Variants in PABPC4L observed in about 807,000 individuals in gnomAD.
PABPC4L encodes polyadenylate-binding protein 4-like.
For missense variants in PABPC4L, 452 were observed against 451.4 expected (o/e 1.00, Z -0.01); for synonymous variants, 169 against 164.1 (o/e 1.03, Z -0.23).
At position 134,199,678 on chromosome 4, in the gene PABPC4L, G is replaced by A; in HGVS notation, c.*229C>T. On this transcript the variant is annotated 3_prime_UTR_variant, in exon 2 of 2. Transcript: ENST00000421491. ...ATGAACATATCAAAATAAGAAAAAT[G>A]TGCAATATTAAAATTAGAAAATGTG... The A allele has an allele frequency of 2.0e-6, 1 of 507,120 alleles. No individual in the cohort carries two copies. The highest frequency in any genetic ancestry group is 3.4e-6 in the Non-Finnish European group (1 of 291,732). 31.4% of individuals were successfully genotyped at this position (507,120 alleles called of 1,614,324 possible). A position where few individuals can be genotyped will look rare whatever the true frequency, so the allele number is the denominator to read the frequency against.
At chr4:134,020,848 T>C in the PABPC4L span, among the ~76,000 whole-genome samples, 3 of 152,132 alleles carry the variant, frequency 2.0e-5, no homozygotes, top group Admixed American at 6.6e-5. Context: ...ATAATATAGT[T>C]ATATATAATT....
the PABPC4L span, among the ~76,000 whole-genome samples, chr4:134,067,317 A>ATT: frequency 6.6e-6 from 1 of 152,086 alleles, no homozygotes; most frequent in Non-Finnish European, 1.5e-5. Context: ...GCTTACGTAC[A>ATT]TAGAGATGTT....
the PABPC4L span, among the ~76,000 whole-genome samples, chr4:134,166,690 A>G: frequency 7.2e-5 from 11 of 152,168 alleles, no homozygotes; most frequent in African/African-American, 2.7e-4. Context: ...AAAGTAAAGA[A>G]ACAGATCACA....
At chr4:133,960,959 T>C in the PABPC4L span, among the ~76,000 whole-genome samples, 2 of 152,008 alleles carry the variant, frequency 1.3e-5, no homozygotes, top group East Asian at 3.9e-4. Context: ...TGCCCTGACC[T>C]GATGGTCTTT....
At chr4:134,069,693 G>A in the PABPC4L span, among the ~76,000 whole-genome samples, 2 of 152,110 alleles carry the variant, frequency 1.3e-5, no homozygotes, top group African/African-American at 4.8e-5. Context: ...TTCTTAAAAT[G>A]ACCATTTCAT....
the PABPC4L span, among the ~76,000 whole-genome samples, chr4:134,035,783 A>G: frequency 6.6e-6 from 1 of 152,062 alleles, no homozygotes; most frequent in Non-Finnish European, 1.5e-5. Context: ...GATGGTTGAA[A>G]TGATCAGTGA....
the PABPC4L span, among the ~76,000 whole-genome samples, chr4:134,143,939 G>A: frequency 3.3e-4 from 50 of 151,430 alleles, no homozygotes; most frequent in Non-Finnish European, 6.2e-4. Flanking sequence ...TTTTACTTAT[G>A]ACAACTGAAA....
chr4:134,069,018 T>C, the PABPC4L span, among the ~76,000 whole-genome samples: 11 of 152,078 alleles, frequency 7.2e-5, no homozygotes, highest in Admixed American at 5.9e-4. Context: ...CCATGATAGG[T>C]CTTAGGGTAA....
At chr4:133,954,373 A>G in the PABPC4L span, among the ~76,000 whole-genome samples, 1 of 152,188 alleles carries the variant, frequency 6.6e-6, no homozygotes, top group African/African-American at 2.4e-5. Flanking sequence ...TCTTGTGAGG[A>G]TGGAGTTTTA....
At chr4:134,055,671 AT>A in the PABPC4L span, among the ~76,000 whole-genome samples, 4 of 145,788 alleles carry the variant, frequency 2.7e-5, no homozygotes, top group Admixed American at 6.9e-5. Flanking sequence ...TGGATTGATA[AT>A]TTTTTTTTAA....
chr4:133,960,361 G>A, the PABPC4L span, among the ~76,000 whole-genome samples: 2 of 152,118 alleles, frequency 1.3e-5, no homozygotes. Context: ...CTGGAGCTGA[G>A]ACAATTTAGA....
At chr4:134,040,207 A>G in the PABPC4L span, among the ~76,000 whole-genome samples, 1 of 84,402 alleles carries the variant, frequency 1.2e-5, no homozygotes, top group Non-Finnish European at 2.9e-5. Context: ...CAGAATTGGA[A>G]AAAAAAAAAA....
At chr4:133,973,970 G>T in the PABPC4L span, among the ~76,000 whole-genome samples, 1 of 152,086 alleles carries the variant, frequency 6.6e-6, no homozygotes, top group South Asian at 2.1e-4. Context: ...CATATACCCA[G>T]GATTGTGGAA....
the PABPC4L span, among the ~76,000 whole-genome samples, chr4:134,178,456 C>T: frequency 6.9e-6 from 1 of 145,312 alleles, no homozygotes; most frequent in South Asian, 2.3e-4. Flanking sequence ...AAACCCAGCA[C>T]AACAACTCTG....
At chr4:134,047,715 G>C in the PABPC4L span, among the ~76,000 whole-genome samples, 3 of 151,980 alleles carry the variant, frequency 2.0e-5, no homozygotes. Context: ...CTGCCCTCCC[G>C]AGGGTTGTGA....
the PABPC4L span, among the ~76,000 whole-genome samples, chr4:134,169,126 T>A: frequency 1.3e-5 from 2 of 152,178 alleles, no homozygotes; most frequent in Non-Finnish European, 2.9e-5. Flanking sequence ...ATTCTTCCCG[T>A]AAATGCAAGG....
chr4:133,965,380 A>G, the PABPC4L span, among the ~76,000 whole-genome samples: 1 of 152,184 alleles, frequency 6.6e-6, no homozygotes, highest in South Asian at 2.1e-4. Flanking sequence ...ATAGTGTGAT[A>G]ATGACCATAC....
chr4:134,006,651 C>A, the PABPC4L span, among the ~76,000 whole-genome samples: 1 of 151,828 alleles, frequency 6.6e-6, no homozygotes, highest in Non-Finnish European at 1.5e-5. Context: ...AAAGGGTAGG[C>A]AGGCTTCTCT....
chr4:134,164,628 T>C, the PABPC4L span, among the ~76,000 whole-genome samples: 5 of 152,080 alleles, frequency 3.3e-5, no homozygotes, highest in African/African-American at 1.2e-4. Flanking sequence ...TCATCTTCTA[T>C]ACAAACGAAT....
Sources: gnomAD v4.1 joint callset for allele counts (sites outside exome capture counted in the v4.1 genomes callset) on GRCh38, gnomAD v4.1.1 for gene constraint, MANE v1.5 for transcripts, NCBI Gene and HGNC (gene_info 2026-07-23, HGNC 2026-07-21) for gene names.